The following SERPINB10 variants were observed in gnomAD, a reference collection of about 807,000 sequenced individuals.
SERPINB10 encodes serpin B10.
A neutral mutation model predicts 39.1 loss-of-function variants in SERPINB10; 35 were observed. The ratio of observed to expected loss-of-function variants is 0.90; its 90% CI spans 0.68 to 1.19. The LOEUF (loss-of-function observed/expected upper bound fraction) is 1.19. SERPINB10 is among the 50% of genes most tolerant of loss of function. SERPINB10 has a pLI of 0.00. For missense variants in SERPINB10, 546 were observed against 460.5 expected (o/e 1.19, Z -1.70); for synonymous variants, 190 against 158.1 (o/e 1.20, Z -1.52).
At chr18:63,927,747 A>G (rs997704958) in intron 5 of SERPINB10, among the ~76,000 whole-genome samples, 3 of 152,126 alleles carry the variant, frequency 2.0e-5, no homozygotes, top group African/African-American at 7.2e-5. Flanking sequence ...ATTTCCTAAT[A>G]TATGTTTCTT....
rs1263150622 is a variant in SERPINB10, at chr18:63,929,735, A to G, written c.491-310A>G. Among the ~76,000 whole-genome samples, 47 of 70,428 alleles carry G rather than the reference A, an allele frequency of 6.7e-4. 1 individual carries two copies. The highest frequency in any genetic ancestry group is 1.3e-3 in the Admixed American group (7 of 5,484). 46.2% of individuals were successfully genotyped at this position (70,428 alleles called of 152,430 possible). On this transcript the variant is annotated intron_variant, in intron 5 of 7. Transcript: ENST00000238508. ...TGCAAAAAAAAAAAAAAAAAAAAAGAAAAAAAAAAAGAAATAGGGTTACAA... is the reference window on the plus strand; with the variant it reads ...TGCAAAAAAAAAAAAAAAAAAAAAGGAAAAAAAAAAGAAATAGGGTTACAA...
rs117306233 is a variant in SERPINB10, at chr18:63,919,551, G to A, written c.373-237G>A. Among the ~76,000 whole-genome samples, 35 of 152,030 alleles carry A rather than the reference G, an allele frequency of 2.3e-4. No individual in the cohort carries two copies. The East Asian group carries it at 5.5e-3, about 24-fold the overall frequency. On this transcript the variant is annotated intron_variant, in intron 4 of 7. Coordinates refer to ENST00000238508, the MANE Select transcript of SERPINB10 (RefSeq NM_005024.3). Reference sequence around the variant, plus strand: ...GGATGTGGAAGCCCCAAAAATGTGGGCATCCGTACTTCCTTCCACAGCTGG... The same window carrying A: ...GGATGTGGAAGCCCCAAAAATGTGGACATCCGTACTTCCTTCCACAGCTGG...
At chr18:63,934,389 A>G (rs1226714360) in intron 7 of SERPINB10, among the ~76,000 whole-genome samples, 1 of 151,950 alleles carries the variant, frequency 6.6e-6, no homozygotes, top group Non-Finnish European at 1.5e-5. Flanking sequence ...TATTAATCTC[A>G]CGTTGTTTTG....
In SERPINB10 at chr18:63,933,028, T is replaced by C. The variant is rs1330351301; in HGVS notation, c.634-20T>C. ...TCAATGACCTTGTTACCTGTTTTTT[T>C]GTTTTTTTGTTTTTTTTAGACTACA... On this transcript the variant is annotated intron_variant, in intron 6 of 7. Transcript: ENST00000238508. 2 of 1,601,186 alleles carry C rather than the reference T, an allele frequency of 1.2e-6. No homozygotes were observed. Among genetic ancestry groups the C allele is most frequent in the African/African-American group, 2.8e-5 (2 of 71,772 alleles).
chr18:63,930,064 G>T lies in SERPINB10; in HGVS notation c.510G>T (p.Leu170=). The change falls in exon 6 of 8, where the codon CTG becomes CTT. Residue 170 remains leucine (L), a synonymous_variant. Coordinates refer to ENST00000238508, the MANE Select transcript of SERPINB10 (RefSeq NM_005024.3). ...TTACAGGTAAAATCCAGAATCTCCT[G>T]CCTGATGACTCTGTGGATTCCACAA... ...RQTEGKIQNL[L]PDDSVDSTTR... is the part of the protein sequence containing the mutation. 6.2e-7 allele frequency: 1 copy of T among 1,613,348 alleles called. No individual in the cohort carries two copies. Among genetic ancestry groups the T allele is most frequent in the Non-Finnish European group, 8.5e-7 (1 of 1,179,624 alleles).
chr18:63,928,579 G>A (rs763937720), intron 5 of SERPINB10, among the ~76,000 whole-genome samples: 5 of 152,030 alleles, frequency 3.3e-5, no homozygotes, highest in African/African-American at 1.2e-4. Context: ...GAAAAAGAAG[G>A]AAGTATTTCA....
Position 63,915,515 on chromosome 18 carries a change from ACT to A in SERPINB10, c.10_11del (p.Leu4SerfsTer17). The A allele has an allele frequency of 6.3e-7, 1 of 1,598,436 alleles. No homozygotes were observed. Among genetic ancestry groups the A allele is most frequent in the Non-Finnish European group, 8.5e-7 (1 of 1,171,266 alleles). ...TATTTTTCTTAGGTTTCCTCAATGG[ACT>A]CTCTAGCAACATCAATCAACCAGTT... On this transcript the variant is annotated frameshift_variant, in exon 2 of 8. Coordinates refer to ENST00000238508, the MANE Select transcript of SERPINB10 (RefSeq NM_005024.3). LOFTEE classifies it high-confidence loss of function.
chr18:63,918,586 T>C (rs1344380973), intron 4 of SERPINB10, among the ~76,000 whole-genome samples: 1 of 152,026 alleles, frequency 6.6e-6, no homozygotes, highest in Non-Finnish European at 1.5e-5. Flanking sequence ...ATTTCCTTCA[T>C]TGTCCAACAT....
intron 1 of SERPINB10, among the ~76,000 whole-genome samples, chr18:63,912,356 T>C (rs1179216642): frequency 2.0e-5 from 3 of 152,200 alleles, no homozygotes; most frequent in Non-Finnish European, 2.9e-5. Context: ...ATTCTTGTCT[T>C]GTTCCAGTTC....
intron 1 of SERPINB10, among the ~76,000 whole-genome samples, chr18:63,909,375 C>T (rs1190985275): frequency 1.3e-5 from 2 of 151,968 alleles, no homozygotes; most frequent in Non-Finnish European, 2.9e-5. Flanking sequence ...ATTCTACACC[C>T]TTCAGAAAGT....
At chr18:63,934,034 A>C (rs2144741860) in intron 7 of SERPINB10, among the ~76,000 whole-genome samples, 1 of 152,338 alleles carries the variant, frequency 6.6e-6, no homozygotes, top group East Asian at 1.9e-4. Flanking sequence ...AAGCCCTTGT[A>C]AGATAAAAAC....
intron 7 of SERPINB10, among the ~76,000 whole-genome samples, chr18:63,934,215 TAC>T (rs1177617592): frequency 6.6e-6 from 1 of 152,142 alleles, no homozygotes; most frequent in African/African-American, 2.4e-5. Context: ...TTTTTGTGTA[TAC>T]ATATATACAT....
intron 6 of SERPINB10, among the ~76,000 whole-genome samples, chr18:63,932,211 T>G (rs1283571269): frequency 2.6e-5 from 4 of 152,240 alleles, no homozygotes; most frequent in Non-Finnish European, 4.4e-5. Context: ...TTTCTATAAA[T>G]ACTACACTGT....
At position 63,911,606 on chromosome 18, in the gene SERPINB10, T is replaced by C. The variant is rs138936311; in HGVS notation, c.-10+3566T>C. 5.7e-3 allele frequency among the ~76,000 whole-genome samples: 866 copies of C among 152,196 alleles called. 25 individuals are homozygous for C. Among genetic ancestry groups the C allele is most frequent in the Non-Finnish European group, 2.4e-3 (162 of 67,990 alleles). ...GTCTGTAGGTGTGCAGCTTTATTTC[T>C]AAGTTCTCTATTCTGTTCCATTGGC... On this transcript the variant is annotated intron_variant, in intron 1 of 7. Coordinates refer to ENST00000238508, the MANE Select transcript of SERPINB10 (RefSeq NM_005024.3).
intron 7 of SERPINB10, among the ~76,000 whole-genome samples, 194 bp from the exon 8 acceptor site, chr18:63,934,644 T>A (rs2050248019): frequency 6.6e-6 from 1 of 152,210 alleles, no homozygotes; most frequent in Non-Finnish European, 1.5e-5. Context: ...CGGATAGCAA[T>A]TAATCTGCAG....
intron 7 of SERPINB10, among the ~76,000 whole-genome samples, 195 bp from the exon 8 acceptor site, chr18:63,934,643 A>G (rs148026367): frequency 6.6e-6 from 1 of 152,346 alleles, no homozygotes; most frequent in African/African-American, 2.4e-5. Flanking sequence ...CCGGATAGCA[A>G]TTAATCTGCA....
intron 1 of SERPINB10, among the ~76,000 whole-genome samples, chr18:63,912,034 T>C (rs1419701366): frequency 6.6e-6 from 1 of 151,778 alleles, no homozygotes. Context: ...TTTTATTTTA[T>C]TTTTTGGCTA....
chr18:63,911,337 G>A (rs546800939), intron 1 of SERPINB10, among the ~76,000 whole-genome samples: 68 of 151,188 alleles, frequency 4.5e-4, no homozygotes, highest in African/African-American at 1.6e-3. Flanking sequence ...ACTTAGTCAT[G>A]AATACTTCCC....
chr18:63,923,738 TC>T (rs1429009119), intron 5 of SERPINB10, among the ~76,000 whole-genome samples: 4 of 151,952 alleles, frequency 2.6e-5, no homozygotes, highest in African/African-American at 9.7e-5. Context: ...TTCTGTCCCT[TC>T]TTGCCTTCAG....
Sources: allele counts gnomAD v4.1 joint callset (sites outside exome capture counted in the v4.1 genomes callset), GRCh38; gene constraint gnomAD v4.1.1; transcripts MANE v1.5; gene names NCBI Gene and HGNC (gene_info 2026-07-23, HGNC 2026-07-21).